The following MAP3K7 variants were observed in gnomAD, a reference collection of about 807,000 sequenced individuals.
MAP3K7 encodes mitogen-activated protein kinase kinase kinase 7.
Under a neutral mutation model 84.8 loss-of-function variants are expected in MAP3K7, and 21 were observed. The ratio of observed to expected loss-of-function variants is 0.25; its 90% CI spans 0.18 to 0.36. The LOEUF (loss-of-function observed/expected upper bound fraction) is 0.36, where lower values mean the gene tolerates loss of function less well. MAP3K7 is among the 10% of genes least tolerant of loss of function. The pLI is 1.00. For missense variants in MAP3K7, 503 were observed against 747.7 expected (o/e 0.67, Z 3.82); for synonymous variants, 241 against 247.7 (o/e 0.97, Z 0.25).
intron 16 of MAP3K7, 80 bp from the exon 17 acceptor site, chr6:90,516,761 G>T: frequency 1.7e-6 from 2 of 1,158,664 alleles, no homozygotes; most frequent in Non-Finnish European, 1.2e-6. Flanking sequence ...CTCAATTAAT[G>T]AGAATTTTTA....
intron 12 of MAP3K7, among the ~76,000 whole-genome samples, chr6:90,541,904 T>C (rs971722104): frequency 3.3e-5 from 5 of 151,960 alleles, no homozygotes; most frequent in Non-Finnish European, 7.4e-5. Flanking sequence ...TTAAGAGAGG[T>C]AGTTCATTCC....
chr6:90,585,926 T>C (rs971647153), intron 1 of MAP3K7, among the ~76,000 whole-genome samples: 2 of 152,206 alleles, frequency 1.3e-5, no homozygotes, highest in African/African-American at 4.8e-5. Flanking sequence ...AGTATTGCTG[T>C]GCGGTATCGG....
intron 1 of MAP3K7, among the ~76,000 whole-genome samples, chr6:90,583,750 T>C (rs1242594396): frequency 6.6e-6 from 1 of 152,200 alleles, no homozygotes; most frequent in Non-Finnish European, 1.5e-5. Context: ...AAATTTTCTT[T>C]TTCAGTCCAG....
chr6:90,532,767 A>T (rs1336300940), intron 13 of MAP3K7, among the ~76,000 whole-genome samples: 1 of 152,234 alleles, frequency 6.6e-6, no homozygotes, highest in African/African-American at 2.4e-5. Flanking sequence ...GTAGAAATTT[A>T]TTATCAAGAT....
chr6:90,519,309 T>A lies in MAP3K7; in HGVS notation c.1473A>T (p.Gly491=). 3 of 1,574,988 alleles carry A rather than the reference T, an allele frequency of 1.9e-6. No individual in the cohort carries two copies. The highest frequency in any genetic ancestry group is 2.6e-6 in the Non-Finnish European group (3 of 1,162,110). ...WTPDDSTDTN[G]SDNSIPMAYL... ...AAGCCATTGGGATGGAGTTATCTGA[T>A]CCATTGGTATCTGGAATTCAAGCAT... Residue 491 remains glycine, a synonymous_variant, in exon 15 of 17, where the codon GGA becomes GGT. Coordinates refer to ENST00000369329, the MANE Select transcript of MAP3K7 (RefSeq NM_145331.3).
intron 1 of MAP3K7, among the ~76,000 whole-genome samples, chr6:90,577,177 T>C (rs922875159): frequency 1.3e-5 from 2 of 152,108 alleles, no homozygotes; most frequent in East Asian, 3.9e-4. Context: ...GTAGAGTCAA[T>C]AGGGTTTGCT....
At chr6:90,570,949 C>T (rs2127984741) in intron 2 of MAP3K7, among the ~76,000 whole-genome samples, 1 of 152,244 alleles carries the variant, frequency 6.6e-6, no homozygotes, top group South Asian at 2.1e-4. Flanking sequence ...CAGCCACTTA[C>T]AAATCACTTT....
In MAP3K7 at chr6:90,568,084, G is replaced by A. The variant is rs961205144; in HGVS notation, c.297+474C>T. Among the ~76,000 whole-genome samples the A allele has an allele frequency of 5.1e-5, 4 of 78,134 alleles. No individual in the cohort carries two copies. In the East Asian group the frequency reaches 7.6e-4, roughly 15 times the overall value. 51.3% of individuals were successfully genotyped at this position (78,134 alleles called of 152,430 possible). A position where few individuals can be genotyped will look rare whatever the true frequency, so the allele number is the denominator to read the frequency against. On this transcript the variant is annotated intron_variant, in intron 3 of 16. Transcript: ENST00000369329. The stretch of plus-strand genomic sequence containing the variant: ...GTTGTGGGGTGGGGAGAGGTGGGAG[G>A]GATAAGCATTAGGAGAAATACCTAA...
At chr6:90,571,609 A>C in intron 2 of MAP3K7, 88 bp downstream of exon 2, 1 of 705,560 alleles carries the variant, frequency 1.4e-6, no homozygotes, top group Admixed American at 3.5e-5. Flanking sequence ...AAGAAATGAC[A>C]TCTGAGAAAC....
At chr6:90,551,084 T>C (rs1156964582) in intron 8 of MAP3K7, 2 of 152,646 alleles carry the variant, frequency 1.3e-5, no homozygotes, top group Non-Finnish European at 2.9e-5. Flanking sequence ...AAATTACAAC[T>C]GCAATAACTT....
rs765077005 is a variant in MAP3K7 at position 90,586,786 on chromosome 6, T to C, written c.98A>G (p.Tyr33Cys). Residue 33 changes from tyrosine (Y) to cysteine (C), a missense_variant, in exon 1 of 17, where the codon TAC (tyrosine) becomes TGC (cysteine). Physicochemically the swap from Tyr to Cys is radical, Grantham distance 194 (BLOSUM62 -2). Transcript: ENST00000369329. ...SQVLNFEEID[Y>C]KEIEVEEVVG... Reference sequence around the variant, plus strand: ...CACCTCTTCCACCTCGATCTCCTTGTAGTCGATCTCTTCAAAGTTGAGGAC... The same window carrying C: ...CACCTCTTCCACCTCGATCTCCTTGCAGTCGATCTCTTCAAAGTTGAGGAC... 1 of 1,606,742 alleles carries C rather than the reference T, an allele frequency of 6.2e-7. No individual in the cohort carries two copies. Among genetic ancestry groups the C allele is most frequent in the South Asian group, 1.1e-5 (1 of 89,934 alleles).
intron 3 of MAP3K7, among the ~76,000 whole-genome samples, chr6:90,562,828 G>C (rs1776572012): frequency 6.6e-6 from 1 of 152,176 alleles, no homozygotes; most frequent in African/African-American, 2.4e-5. Context: ...CCTTCCAGTA[G>C]GGGCAGATTG....
chr6:90,536,593 A>G (rs1775688427), intron 12 of MAP3K7, 192 bp from the exon 13 acceptor site: 1 of 551,666 alleles, frequency 1.8e-6, no homozygotes, highest in African/African-American at 1.9e-5. Context: ...GAAGAGAAAC[A>G]GCTGCGGTGT....
intron 9 of MAP3K7, among the ~76,000 whole-genome samples, chr6:90,549,522 T>C (rs1040111024): frequency 5.3e-5 from 8 of 152,050 alleles, no homozygotes; most frequent in African/African-American, 1.9e-4. Flanking sequence ...AGAGAGAGGC[T>C]AGAAAGATGA....
chr6:90,563,710 AC>A (rs1242653833), intron 3 of MAP3K7, among the ~76,000 whole-genome samples: 3 of 152,294 alleles, frequency 2.0e-5, no homozygotes, highest in Admixed American at 2.0e-4. Context: ...TTCAGGAAAT[AC>A]AGAGAACGCC....
At chr6:90,549,846 G>A (rs1776125471) in intron 9 of MAP3K7, among the ~76,000 whole-genome samples, 1 of 152,138 alleles carries the variant, frequency 6.6e-6, no homozygotes, top group African/African-American at 2.4e-5. Context: ...ATCAGTAAAA[G>A]TATTTTTCAA....
At chr6:90,523,916 T>C (rs985942336) in intron 13 of MAP3K7, 133 bp from the exon 14 acceptor site, 17 of 587,206 alleles carry the variant, frequency 2.9e-5, no homozygotes, top group Non-Finnish European at 4.9e-5. Flanking sequence ...AAATAAATCC[T>C]CTCTTATATA....
intron 5 of MAP3K7, among the ~76,000 whole-genome samples, 159 bp from the exon 6 acceptor site, chr6:90,556,783 C>T (rs556162145): frequency 5.9e-5 from 9 of 152,278 alleles, no homozygotes; most frequent in African/African-American, 1.9e-4. Context: ...CTATAAAAGC[C>T]TAATAGTTCA....
intron 3 of MAP3K7, among the ~76,000 whole-genome samples, chr6:90,562,275 C>T (rs987103595): frequency 6.6e-6 from 1 of 152,108 alleles, no homozygotes; most frequent in Non-Finnish European, 1.5e-5. Context: ...CAGGGCAGGG[C>T]GTCGCCTCAC....
Sources: gnomAD v4.1 joint callset for allele counts (sites outside exome capture counted in the v4.1 genomes callset) on GRCh38, gnomAD v4.1.1 for gene constraint, MANE v1.5 for transcripts, NCBI Gene and HGNC (gene_info 2026-07-23, HGNC 2026-07-21) for gene names.